The following FTCD variants were observed in gnomAD, a reference collection of about 807,000 sequenced individuals.
FTCD encodes formimidoyltransferase cyclodeaminase.
A neutral mutation model predicts 62.9 loss-of-function variants in FTCD; 76 were observed. That is an observed-to-expected ratio of 1.21 (90% CI 1.00 to 1.46). The LOEUF is 1.46. FTCD is among the 40% of genes most tolerant of loss of function. The probability of loss-of-function intolerance (pLI) is 0.00; values close to 1 mark genes in which losing one functional copy is unlikely to be tolerated. For synonymous variants in FTCD, 397 were observed against 336.9 expected (o/e 1.18, Z -1.95); for missense variants, 845 against 751.3 (o/e 1.12, Z -1.46).
chr21:46,153,045 G>A lies in FTCD; in HGVS notation c.239-10C>T. 1 of 1,546,338 alleles carries A rather than the reference G, an allele frequency of 6.5e-7. No individual in the cohort carries two copies. ...ATGCGGGGGTGCTCTCCTGCAGAGA[G>A]ACGGCGAGGCCGGGCAGGAGGCCAG... On this transcript the variant is annotated splice_polypyrimidine_tract_variant and intron_variant, in intron 2 of 13. Coordinates refer to ENST00000397746, the MANE Select transcript of FTCD (RefSeq NM_206965.2).
rs112790981 is a variant in FTCD at position 46,138,959 on chromosome 21, C to G, written c.1261-36G>C. 2.6e-6 allele frequency: 4 copies of G among 1,564,612 alleles called. No homozygotes were observed. The South Asian group carries it at 3.3e-5, about 13-fold the overall frequency. On this transcript the variant is annotated intron_variant, in intron 10 of 13. Coordinates refer to ENST00000397746, the MANE Select transcript of FTCD (RefSeq NM_206965.2). ...GAGACAGAACCACTGGGCGAGGGAC[C>G]GTAGGGGGAGCAGCCATGCCCTCTG...
At chr21:46,145,221 G>C (rs1438315659) in intron 10 of FTCD, among the ~76,000 whole-genome samples, 196 bp downstream of exon 10, 1 of 152,190 alleles carries the variant, frequency 6.6e-6, no homozygotes, top group Non-Finnish European at 1.5e-5. Context: ...CTCAAACCCT[G>C]CTGGGCCCAA....
chr21:46,140,084 G>A (rs73384605), intron 10 of FTCD, among the ~76,000 whole-genome samples: 3,464 of 152,324 alleles, frequency 0.023, 99 homozygotes, highest in African/African-American at 0.078. Flanking sequence ...TTTGGTGCAA[G>A]GTACAGATAT....
rs557142041 is a variant in FTCD, at chr21:46,146,136, C to T, written c.968+130G>A. On this transcript the variant is annotated intron_variant, in intron 8 of 13. Transcript: ENST00000397746. The stretch of plus-strand genomic sequence containing the variant: ...CCCCAGACCCCGGCTTGGCGCAGGC[C>T]GAGTAGGCGCCCAAAGGGAGGCGCT... 31 of 790,072 alleles carry T rather than the reference C, an allele frequency of 3.9e-5. No homozygotes were observed. The South Asian group carries it at 4.5e-4, about 12-fold the overall frequency. 48.9% of individuals were successfully genotyped at this position (790,072 alleles called of 1,614,324 possible). A position where few individuals can be genotyped will look rare whatever the true frequency, so the allele number is the denominator to read the frequency against.
Position 46,154,016 on chromosome 21 carries a change from C to T in FTCD, c.238+133G>A, listed in dbSNP as rs2079368219. On this transcript the variant is annotated intron_variant, in intron 2 of 13. Transcript: ENST00000397746. ...ACACTCCAGGGTCCTCCTAGGAGAG[C>T]CAGAGCCAGCCCCACTGGACCCCAC... 4.4e-6 allele frequency: 4 copies of T among 910,468 alleles called. No homozygotes were observed. In the South Asian group the frequency reaches 5.4e-5, roughly 12 times the overall value. The allele number at this position is 910,468 out of a possible 1,614,324, so 56.4% of individuals were successfully genotyped here.
intron 10 of FTCD, 136 bp from the exon 11 acceptor site, chr21:46,139,059 G>A (rs1277429637): frequency 4.0e-6 from 3 of 747,666 alleles, no homozygotes; most frequent in African/African-American, 1.7e-5. Flanking sequence ...GCTTCTGTTG[G>A]GCCAGTGGTT....
At position 46,146,255 on chromosome 21, in the gene FTCD, C is replaced by G. The variant is rs745629384; in HGVS notation, c.968+11G>C. 2.5e-6 allele frequency: 4 copies of G among 1,583,724 alleles called. No individual in the cohort carries two copies. Among genetic ancestry groups the G allele is most frequent in the Admixed American group, 1.7e-5 (1 of 58,824 alleles). On this transcript the variant is annotated intron_variant, in intron 8 of 13. Transcript: ENST00000397746. ...GAGGGGTGAGAAGAGGGCGGGAGGG[C>G]AGAGGCTCACTCGATGATCCGCTCC...
In FTCD at chr21:46,138,665, G is replaced by C; in HGVS notation, c.1305-19C>G. ...CGTGCGCCTGAAAGGAGCAAGAGGA[G>C]AGCCTGAGCACAGCGGCACACACAG... On this transcript the variant is annotated intron_variant, in intron 11 of 13. Coordinates refer to ENST00000397746, the MANE Select transcript of FTCD (RefSeq NM_206965.2). The C allele has an allele frequency of 2.5e-6, 4 of 1,596,094 alleles. No individual in the cohort carries two copies. Among genetic ancestry groups the C allele is most frequent in the Non-Finnish European group, 3.4e-6 (4 of 1,177,870 alleles).
intron 10 of FTCD, among the ~76,000 whole-genome samples, chr21:46,143,941 T>C (rs1358051108): frequency 1.3e-5 from 2 of 152,162 alleles, no homozygotes; most frequent in East Asian, 3.8e-4. Context: ...GTTTCACTTT[T>C]ATGTTCCACT....
Position 46,146,428 on chromosome 21 carries a change from C to T in FTCD, c.907-101G>A, listed in dbSNP as rs566650169. ...CACCCTTGCGGCAGCCGCCCCCTGC[C>T]CCGAGCACACAGGTGCTTTTGCGGG... On this transcript the variant is annotated intron_variant, in intron 7 of 13. Transcript: ENST00000397746. 3.9e-4 allele frequency: 318 copies of T among 808,678 alleles called. 3 individuals are homozygous for T. In the South Asian group the frequency reaches 4.5e-3, roughly 11 times the overall value. The allele number at this position is 808,678 out of a possible 1,614,324, so 50.1% of individuals were successfully genotyped here. A position where few individuals can be genotyped will look rare whatever the true frequency, so the allele number is the denominator to read the frequency against.
intron 10 of FTCD, 99 bp from the exon 11 acceptor site, chr21:46,139,022 G>A (rs1414409874): frequency 4.4e-5 from 40 of 913,766 alleles, no homozygotes; most frequent in Admixed American, 8.6e-5. Flanking sequence ...GCATGTCCCA[G>A]GCAGGGACCA....
At position 46,136,934 on chromosome 21, in the gene FTCD, T is replaced by C; in HGVS notation, c.*53A>G. 1 of 1,611,636 alleles carries C rather than the reference T, an allele frequency of 6.2e-7. No homozygotes were observed. Among genetic ancestry groups the C allele is most frequent in the Non-Finnish European group, 8.5e-7 (1 of 1,179,520 alleles). ...CCCCACCGAGGTCACAGCTCTGCCC[T>C]CTGGGGATGGGCGAGGGAGGGGCCA... is the stretch of plus-strand genomic sequence containing the variant. On this transcript the variant is annotated 3_prime_UTR_variant, in exon 14 of 14. Transcript: ENST00000397746.
chr21:46,153,907 A>C (rs1819826197), intron 2 of FTCD, among the ~76,000 whole-genome samples: 1 of 151,956 alleles, frequency 6.6e-6, no homozygotes, highest in Non-Finnish European at 1.5e-5. Flanking sequence ...CCAGCCGTGA[A>C]GGTGGCCCGG....
intron 11 of FTCD, 55 bp from the exon 12 acceptor site, chr21:46,138,701 G>T: frequency 1.3e-6 from 2 of 1,555,220 alleles, no homozygotes; most frequent in Non-Finnish European, 1.8e-6. Context: ...GCAGGCAGTG[G>T]ACACACTGCA....
At chr21:46,140,170 C>CT (rs1165762617) in intron 10 of FTCD, among the ~76,000 whole-genome samples, 1 of 152,078 alleles carries the variant, frequency 6.6e-6, no homozygotes, top group Non-Finnish European at 1.5e-5. Flanking sequence ...CCCCGTCCAC[C>CT]TTCACATTGC....
chr21:46,136,424 C>G, downstream of FTCD: 1 of 1,612,448 alleles, frequency 6.2e-7, no homozygotes, highest in Middle Eastern at 1.6e-4. Context: ...ACTGTCCAGA[C>G]CTGCCGGGAG....
intron 1 of FTCD, 113 bp from the exon 2 acceptor site, chr21:46,154,445 G>C: frequency 7.9e-7 from 1 of 1,264,846 alleles, no homozygotes; most frequent in East Asian, 2.5e-5. Context: ...GGCGGGCCAA[G>C]CCTTTGGGGG....
Position 46,153,032 on chromosome 21 carries a change from T to C in FTCD, c.242A>G (p.Glu81Gly). ...GTCTAGGGCCCCCATGCGGGGGTGC[T>C]CTCCTGCAGAGAGACGGCGAGGCCG... Reference protein sequence around the residue: ...RLIDMSRHQGEHPRMGALDVC... With the variant: ...RLIDMSRHQGGHPRMGALDVC... The change falls in exon 3 of 14, where the codon GAG becomes GGG. Residue 81 changes from glutamate to glycine, a missense_variant. Physicochemically the swap from Glu to Gly is moderately conservative, Grantham distance 98. Transcript: ENST00000397746. 5 of 1,548,496 alleles carry C rather than the reference T, an allele frequency of 3.2e-6. No homozygotes were observed. The South Asian group carries it at 3.6e-5, about 11-fold the overall frequency.
chr21:46,146,648 C>G, intron 7 of FTCD: 1 of 490,562 alleles, frequency 2.0e-6, no homozygotes, highest in African/African-American at 1.9e-5. Flanking sequence ...TGCTTCGCCG[C>G]CCCCCAGCAC....
Sources: gnomAD v4.1 joint callset for allele counts (sites outside exome capture counted in the v4.1 genomes callset) on GRCh38, gnomAD v4.1.1 for gene constraint, MANE v1.5 for transcripts, NCBI Gene and HGNC (gene_info 2026-07-23, HGNC 2026-07-21) for gene names.